Variants in YPEL2 observed in about 807,000 individuals in gnomAD.
YPEL2 encodes the protein yippee like 2, also known as protein yippee-like 2.
In YPEL2, 2 loss-of-function variants were observed where a neutral mutation model predicts 19.1. The observed-to-expected ratio is 0.10, with a 90% CI of 0.04 to 0.33. The LOEUF (loss-of-function observed/expected upper bound fraction) is 0.33. YPEL2 is among the 10% of genes least tolerant of loss of function. The pLI is 1.00. For missense variants in YPEL2, 66 were observed against 140.7 expected, an observed-to-expected ratio of 0.47 and a Z score of 2.68; for synonymous variants, 52 against 50.0, an observed-to-expected ratio of 1.04 and a Z score of -0.17.
chr17:59,395,916 A>G (rs2048036842), intron 4 of YPEL2, among the ~76,000 whole-genome samples: 2 of 152,104 alleles, frequency 1.3e-5, no homozygotes, highest in Admixed American at 6.6e-5. Flanking sequence ...GTCTCTACTG[A>G]AAATACAAAA....
At chr17:59,360,942 G>A (rs926288219) in intron 2 of YPEL2, among the ~76,000 whole-genome samples, 1 of 151,940 alleles carries the variant, frequency 6.6e-6, no homozygotes, top group South Asian at 2.1e-4. Context: ...AGCAATTCTC[G>A]TGCCTCAGCC....
At chr17:59,371,291 T>C (rs185394520) in intron 2 of YPEL2, among the ~76,000 whole-genome samples, 184 of 152,270 alleles carry the variant, frequency 1.2e-3, no homozygotes, top group African/African-American at 4.3e-3. Flanking sequence ...GCAGACCCCT[T>C]TGTCTGCAGG....
At chr17:59,388,266 G>C in intron 2 of YPEL2, 61 bp from the exon 3 acceptor site, 1 of 1,578,632 alleles carries the variant, frequency 6.3e-7, no homozygotes, top group Non-Finnish European at 8.7e-7. Flanking sequence ...ATTGGGGTTG[G>C]TTTCCCAAAC....
intron 1 of YPEL2, among the ~76,000 whole-genome samples, chr17:59,339,243 C>T (rs1272606635): frequency 1.3e-5 from 2 of 152,014 alleles, no homozygotes; most frequent in African/African-American, 2.4e-5. Flanking sequence ...GGACAGGTTA[C>T]GTTAATGGTA....
intron 2 of YPEL2, among the ~76,000 whole-genome samples, chr17:59,382,222 A>G (rs902388716): frequency 1.3e-5 from 2 of 152,242 alleles, no homozygotes; most frequent in African/African-American, 2.4e-5. Flanking sequence ...CTGAGTGGCT[A>G]TGGCCACCAG....
chr17:59,370,029 C>T (rs986485755), intron 2 of YPEL2, among the ~76,000 whole-genome samples: 1 of 152,208 alleles, frequency 6.6e-6, no homozygotes, highest in Non-Finnish European at 1.5e-5. Flanking sequence ...CAAGGAGACC[C>T]AGCTAGGAAA....
At chr17:59,395,175 A>G (rs1457140276) in intron 4 of YPEL2, among the ~76,000 whole-genome samples, 2 of 152,142 alleles carry the variant, frequency 1.3e-5, no homozygotes, top group African/African-American at 4.8e-5. Flanking sequence ...AATGGACCTT[A>G]TTCCCAAAAC....
intron 2 of YPEL2, among the ~76,000 whole-genome samples, chr17:59,377,558 C>A (rs1474159041): frequency 6.6e-6 from 1 of 152,174 alleles, no homozygotes; most frequent in Non-Finnish European, 1.5e-5. Flanking sequence ...CTTCCCATGC[C>A]TCACTCCCTC....
chr17:59,356,671 C>G (rs1259427646), intron 2 of YPEL2, among the ~76,000 whole-genome samples: 1 of 152,192 alleles, frequency 6.6e-6, no homozygotes, highest in Non-Finnish European at 1.5e-5. Flanking sequence ...AAACAAAATG[C>G]CATAGACTAG....
intron 1 of YPEL2, among the ~76,000 whole-genome samples, chr17:59,347,558 C>T (rs1392127121): frequency 1.3e-5 from 2 of 152,132 alleles, no homozygotes; most frequent in Non-Finnish European, 2.9e-5. Context: ...GGGAAAGAGG[C>T]CCAAAGGCCT....
At chr17:59,378,075 G>T (rs2047930915) in intron 2 of YPEL2, among the ~76,000 whole-genome samples, 1 of 152,108 alleles carries the variant, frequency 6.6e-6, no homozygotes, top group Non-Finnish European at 1.5e-5. Flanking sequence ...GCTAGTGAGG[G>T]CTGGCTCCAG....
intron 1 of YPEL2, among the ~76,000 whole-genome samples, chr17:59,350,005 C>T (rs1456074759): frequency 6.6e-6 from 1 of 152,124 alleles, no homozygotes; most frequent in African/African-American, 2.4e-5. Context: ...CTACTTACCT[C>T]CTCTCATTTC....
At chr17:59,393,275 A>G (rs1443102564) in intron 4 of YPEL2, among the ~76,000 whole-genome samples, 10 of 150,096 alleles carry the variant, frequency 6.7e-5, no homozygotes, top group African/African-American at 2.4e-4. Flanking sequence ...CCACAGGTGC[A>G]TGACATCACA....
At chr17:59,363,299 CTT>C (rs372443124) in intron 2 of YPEL2, 10 of 147,594 alleles carry the variant, frequency 6.8e-5, no homozygotes, top group African/African-American at 1.8e-4. Flanking sequence ...AAGACTTACC[CTT>C]TTTTTTTTTC....
intron 2 of YPEL2, among the ~76,000 whole-genome samples, chr17:59,361,694 A>G (rs1283387505): frequency 6.6e-6 from 1 of 152,180 alleles, no homozygotes; most frequent in Non-Finnish European, 1.5e-5. Context: ...GTGGGCATGT[A>G]TATTTTTCTA....
At chr17:59,341,272 G>C (rs1302739945) in intron 1 of YPEL2, among the ~76,000 whole-genome samples, 1 of 151,676 alleles carries the variant, frequency 6.6e-6, no homozygotes, top group Admixed American at 6.6e-5. Context: ...GGTGCCTGTA[G>C]TCCCAGCTAC....
intron 2 of YPEL2, among the ~76,000 whole-genome samples, chr17:59,368,154 A>G (rs1445777898): frequency 6.6e-6 from 1 of 151,944 alleles, no homozygotes; most frequent in Non-Finnish European, 1.5e-5. Flanking sequence ...CATGATCACA[A>G]CTCACTGCAG....
chr17:59,346,353 C>A lies in YPEL2; in HGVS notation c.-195-6862C>A, dbSNP rs1393575142. ...ATTTGTTTGTTTTTTAAACCTAGAC[C>A]AGCAGTGTAAAGAATAGGCATGGAT... On this transcript the variant is annotated intron_variant, in intron 1 of 4. Transcript: ENST00000312655. Among the ~76,000 whole-genome samples the A allele has an allele frequency of 3.3e-5, 5 of 152,280 alleles. No individual in the cohort carries two copies. The South Asian group carries it at 8.3e-4, about 25-fold the overall frequency.
At chr17:59,365,367 C>T (rs948090375) in intron 2 of YPEL2, among the ~76,000 whole-genome samples, 2 of 152,162 alleles carry the variant, frequency 1.3e-5, no homozygotes, top group Admixed American at 6.5e-5. Context: ...CAGGCAGCAG[C>T]GAAGCCTCTC....
Sources: gnomAD v4.1 joint callset for allele counts (sites outside exome capture counted in the v4.1 genomes callset) on GRCh38, gnomAD v4.1.1 for gene constraint, MANE v1.5 for transcripts, NCBI Gene and HGNC (gene_info 2026-07-23, HGNC 2026-07-21) for gene names.